Variants in GLIS3 observed in about 807,000 individuals in gnomAD.
GLIS3 encodes the protein zinc finger protein GLIS3.
In GLIS3, 53 loss-of-function variants were observed where a neutral mutation model predicts 78.6. The observed-to-expected ratio is 0.67, with a 90% CI of 0.54 to 0.85. The LOEUF (loss-of-function observed/expected upper bound fraction) is 0.85, where lower values mean the gene tolerates loss of function less well. Among genes scored for constraint, GLIS3 ranks in the 40% least tolerant of loss-of-function variants. The pLI is 0.00. For synonymous variants in GLIS3, 684 were observed against 509.9 expected (o/e 1.34, Z -4.60); for missense variants, 1,703 against 1,231.1 (o/e 1.38, Z -5.74).
chr9:3,859,648 C>A (rs1474424115), intron 8 of GLIS3, among the ~76,000 whole-genome samples: 1 of 152,092 alleles, frequency 6.6e-6, no homozygotes, highest in Non-Finnish European at 1.5e-5. Flanking sequence ...AGAAGAGACA[C>A]CTTCTGACAT....
chr9:3,830,614 A>G (rs1005681233), intron 9 of GLIS3, among the ~76,000 whole-genome samples: 48 of 152,226 alleles, frequency 3.2e-4, no homozygotes, highest in African/African-American at 1.2e-3. Flanking sequence ...ATGGAAAAAA[A>G]GGGATTAATA....
chr9:3,914,436 G>C (rs1384270941), intron 6 of GLIS3, among the ~76,000 whole-genome samples: 1 of 151,774 alleles, frequency 6.6e-6, no homozygotes, highest in African/African-American at 2.4e-5. Flanking sequence ...CAAATTGCTG[G>C]GATTATAGGC....
chr9:3,956,169 A>G (rs1817099186), intron 4 of GLIS3, among the ~76,000 whole-genome samples: 2 of 151,982 alleles, frequency 1.3e-5, no homozygotes, highest in Admixed American at 6.6e-5. Flanking sequence ...TCCATTCTTT[A>G]GTGTACCAGT....
intron 4 of GLIS3, among the ~76,000 whole-genome samples, chr9:4,306,792 C>A (rs1817237859): frequency 6.6e-6 from 1 of 152,316 alleles, no homozygotes; most frequent in Non-Finnish European, 1.5e-5. Context: ...TTCCTGTCTT[C>A]TGTTTCATAA....
intron 8 of GLIS3, among the ~76,000 whole-genome samples, chr9:3,870,244 T>G (rs1170196582): frequency 6.6e-6 from 1 of 152,148 alleles, no homozygotes; most frequent in Non-Finnish European, 1.5e-5. Context: ...TGTAATCATA[T>G]CAAGTATATT....
At chr9:4,140,160 C>A (rs1017103928) in intron 2 of GLIS3, among the ~76,000 whole-genome samples, 1 of 152,084 alleles carries the variant, frequency 6.6e-6, no homozygotes, top group African/African-American at 2.4e-5. Flanking sequence ...GCTGTCTCCA[C>A]AAAAAATACA....
At chr9:4,073,277 C>T (rs1205811398) in intron 4 of GLIS3, among the ~76,000 whole-genome samples, 1 of 152,208 alleles carries the variant, frequency 6.6e-6, no homozygotes, top group East Asian at 1.9e-4. Context: ...ACACAGGATG[C>T]TCCAAGTAGT....
intron 4 of GLIS3, among the ~76,000 whole-genome samples, chr9:3,991,178 A>G (rs1284375021): frequency 6.6e-6 from 1 of 152,198 alleles, no homozygotes; most frequent in Non-Finnish European, 1.5e-5. Flanking sequence ...TTGTAGGAGG[A>G]AGCTGTGTTT....
chr9:3,857,621 A>T (rs1272037787), intron 8 of GLIS3, among the ~76,000 whole-genome samples: 1 of 151,852 alleles, frequency 6.6e-6, no homozygotes, highest in Non-Finnish European at 1.5e-5. Flanking sequence ...CGAGGAGCTT[A>T]AACAAACCAG....
intron 2 of GLIS3, among the ~76,000 whole-genome samples, chr9:4,260,462 G>T (rs1193071399): frequency 6.6e-6 from 1 of 151,904 alleles, no homozygotes; most frequent in African/African-American, 2.4e-5. Context: ...AGCTACTCGG[G>T]AGGCTGAGGC....
the GLIS3 span, among the ~76,000 whole-genome samples, chr9:4,359,044 A>G: frequency 8.3e-4 from 127 of 152,192 alleles, no homozygotes; most frequent in African/African-American, 3.0e-3. Context: ...GAGACTTGCA[A>G]AGTTTCCTGA....
Position 4,195,085 on chromosome 9 carries a change from C to A in GLIS3, c.389-69144G>T, listed in dbSNP as rs192420002. Among the ~76,000 whole-genome samples, 188 of 152,362 alleles carry A rather than the reference C, an allele frequency of 1.2e-3. 1 individual carries two copies. The highest frequency in any genetic ancestry group is 9.1e-3 in the South Asian group (44 of 4,830). ...AGCAGTAGGGCTAGAACTGTGCTCTCCCCAACTGCAAGCCAGGGGCAGGAG... is the reference window on the plus strand; with the variant it reads ...AGCAGTAGGGCTAGAACTGTGCTCTACCCAACTGCAAGCCAGGGGCAGGAG... On this transcript the variant is annotated intron_variant, in intron 2 of 10. Coordinates refer to ENST00000381971, the MANE Select transcript of GLIS3 (RefSeq NM_001042413.2).
At chr9:3,940,978 G>C (rs1167009688) in intron 4 of GLIS3, among the ~76,000 whole-genome samples, 2 of 152,186 alleles carry the variant, frequency 1.3e-5, no homozygotes, top group Non-Finnish European at 2.9e-5. Flanking sequence ...AGCAACGCTG[G>C]CATCGCCTGG....
the GLIS3 span, among the ~76,000 whole-genome samples, chr9:4,376,058 A>C: frequency 9.2e-5 from 14 of 152,286 alleles, no homozygotes; most frequent in East Asian, 2.7e-3. Flanking sequence ...TTCTGCTGAA[A>C]CACCAGACAA....
intron 7 of GLIS3, among the ~76,000 whole-genome samples, chr9:3,882,031 T>C (rs1821763931): frequency 6.6e-6 from 1 of 152,252 alleles, no homozygotes; most frequent in South Asian, 2.1e-4. Flanking sequence ...TTGCTCTATA[T>C]GCAGAGTTAA....
intron 4 of GLIS3, among the ~76,000 whole-genome samples, chr9:3,956,028 C>CCAAAAAAAAAAAAA (rs1491307787): frequency 6.8e-5 from 6 of 87,610 alleles, no homozygotes; most frequent in East Asian, 4.0e-4. Flanking sequence ...CCAGATTCAG[C>CCAAAAAAAAAAAAA]AAAAAAAAAA....
chr9:4,036,258 C>A (rs941026984), intron 4 of GLIS3, among the ~76,000 whole-genome samples: 2 of 152,132 alleles, frequency 1.3e-5, no homozygotes, highest in African/African-American at 4.8e-5. Flanking sequence ...GCTAAGAACA[C>A]AGAAATCAAA....
At chr9:4,054,305 C>A (rs753112400) in intron 4 of GLIS3, 18 of 982,196 alleles carry the variant, frequency 1.8e-5, no homozygotes, top group Non-Finnish European at 2.2e-5. Context: ...ACAACGTACT[C>A]TACAGATGTT....
chr9:4,403,994 A>T, the GLIS3 span, among the ~76,000 whole-genome samples: 2 of 152,232 alleles, frequency 1.3e-5, no homozygotes, highest in African/African-American at 4.8e-5. Flanking sequence ...CTTCACCTAT[A>T]AAGGCACACA....
Sources: gnomAD v4.1 joint callset for allele counts (sites outside exome capture counted in the v4.1 genomes callset) on GRCh38, gnomAD v4.1.1 for gene constraint, MANE v1.5 for transcripts, NCBI Gene and HGNC (gene_info 2026-07-23, HGNC 2026-07-21) for gene names.